PTK2: variants seen among roughly 807,000 people sequenced by gnomAD.
The protein encoded by PTK2 is focal adhesion kinase 1.
Under a neutral mutation model 150.1 loss-of-function variants are expected in PTK2, and 45 were observed. The observed-to-expected ratio is 0.30, with a 90% CI of 0.24 to 0.38. The LOEUF (loss-of-function observed/expected upper bound fraction) is 0.38. PTK2 is among the 10% of genes least tolerant of loss of function. PTK2 has a pLI of 1.00. For synonymous variants in PTK2, 432 were observed against 449.2 expected (o/e 0.96, Z 0.48); for missense variants, 919 against 1,307.3 (o/e 0.70, Z 4.58).
chr8:140,662,790 C>T (rs1224700414), intron 31 of PTK2: 1 of 529,996 alleles, frequency 1.9e-6, no homozygotes, highest in African/African-American at 1.8e-5. Context: ...GTATTCCTGA[C>T]TGGAGATGCA....
At chr8:140,663,877 A>G (rs1332570978) in intron 31 of PTK2, among the ~76,000 whole-genome samples, 1 of 152,122 alleles carries the variant, frequency 6.6e-6, no homozygotes, top group Non-Finnish European at 1.5e-5. Context: ...GGCTGGTCAT[A>G]AACTGGCTTT....
At chr8:140,954,200 G>A (rs895942041) in intron 1 of PTK2, among the ~76,000 whole-genome samples, 2 of 152,008 alleles carry the variant, frequency 1.3e-5, no homozygotes, top group African/African-American at 2.4e-5. Context: ...GGCTGGTCTC[G>A]AACTCCTGAC....
At chr8:140,939,043 T>C (rs1221747188) in intron 1 of PTK2, among the ~76,000 whole-genome samples, 1 of 152,028 alleles carries the variant, frequency 6.6e-6, no homozygotes, top group Admixed American at 6.6e-5. Context: ...TCCTCCCCTC[T>C]TCCATCTTCT....
At chr8:140,934,122 A>G (rs1045729722) in intron 1 of PTK2, among the ~76,000 whole-genome samples, 1 of 152,200 alleles carries the variant, frequency 6.6e-6, no homozygotes, top group South Asian at 2.1e-4. Flanking sequence ...TGAACTATAA[A>G]CATTACAGAA....
At chr8:140,762,737 T>C (rs1446989415) in intron 15 of PTK2, among the ~76,000 whole-genome samples, 1 of 152,128 alleles carries the variant, frequency 6.6e-6, no homozygotes, top group African/African-American at 2.4e-5. Flanking sequence ...CAAGTGTCTA[T>C]ATGGCTAATT....
At chr8:140,944,225 C>T (rs1226417768) in intron 1 of PTK2, among the ~76,000 whole-genome samples, 3 of 152,150 alleles carry the variant, frequency 2.0e-5, no homozygotes, top group Non-Finnish European at 4.4e-5. Context: ...TACACTCTTC[C>T]CTCAGTATAA....
Position 140,846,691 on chromosome 8 carries a change from G to A in PTK2, c.451-13C>T. 1 of 1,589,042 alleles carries A rather than the reference G, an allele frequency of 6.3e-7. No individual in the cohort carries two copies. The highest frequency in any genetic ancestry group is 8.6e-7 in the Non-Finnish European group (1 of 1,165,756). On this transcript the variant is annotated splice_polypyrimidine_tract_variant and intron_variant, in intron 5 of 31. Coordinates refer to ENST00000522684, the Ensembl canonical transcript of PTK2. ...AATCGCTCTTCACCTACAACAAAAG[G>A]AATGGGAAAAACAACACTGTTTTAA...
intron 11 of PTK2, among the ~76,000 whole-genome samples, chr8:140,803,238 TC>T (rs2100096307): frequency 6.6e-6 from 1 of 151,960 alleles, no homozygotes; most frequent in Non-Finnish European, 1.5e-5. Flanking sequence ...CCTCAAGTGA[TC>T]CGCCTGCCTT....
At chr8:140,973,254 C>T (rs1272662203) in intron 1 of PTK2, among the ~76,000 whole-genome samples, 5 of 152,170 alleles carry the variant, frequency 3.3e-5, no homozygotes, top group Non-Finnish European at 2.9e-5. Context: ...CTCTTGGAAG[C>T]TCGTCCGATA....
chr8:140,927,975 A>AAAAAATATATAT, intron 1 of PTK2, among the ~76,000 whole-genome samples: 5 of 48,194 alleles, frequency 1.0e-4, no homozygotes, highest in East Asian at 8.1e-4. Context: ...AAAAAAAAAA[A>AAAAAATATATAT]ATATATATAT....
rs184183491 is a variant in PTK2, at chr8:140,726,768, C to G, written c.2030+8483G>C. ...AAAAATTATTCATCTGATGGGAAAC[C>G]AAATGGAAATAAGCTCTTCAAGAAG... On this transcript the variant is annotated intron_variant, in intron 22 of 31. Coordinates refer to ENST00000522684, the Ensembl canonical transcript of PTK2. Among the ~76,000 whole-genome samples, 342 of 152,172 alleles carry G rather than the reference C, an allele frequency of 2.2e-3. 5 individuals are homozygous for G. Among genetic ancestry groups the G allele is most frequent in the African/African-American group, 7.6e-3 (316 of 41,514 alleles).
At chr8:140,954,552 CAG>C (rs1177773605) in intron 1 of PTK2, among the ~76,000 whole-genome samples, 4 of 151,800 alleles carry the variant, frequency 2.6e-5, no homozygotes, top group Admixed American at 6.5e-5. Context: ...CTACCTGTCT[CAG>C]AAAAAAATAT....
rs538231116 is a variant in PTK2 at position 140,972,235 on chromosome 8, C to T, written c.-122+28890G>A. 3.9e-5 allele frequency among the ~76,000 whole-genome samples: 6 copies of T among 152,074 alleles called. No homozygotes were observed. The South Asian group carries it at 1.0e-3, about 26-fold the overall frequency. On this transcript the variant is annotated intron_variant, in intron 1 of 31. Transcript: ENST00000522684. ...TTAGACCTGTATTTTTTTAATTATG[C>T]TCAATTGTTTTTATTATTTTAATTA... is the stretch of plus-strand genomic sequence containing the variant.
chr8:140,660,326 A>T (rs1409806846), intron 31 of PTK2, among the ~76,000 whole-genome samples: 1 of 152,202 alleles, frequency 6.6e-6, no homozygotes, highest in East Asian at 1.9e-4. Flanking sequence ...ACAGCTCTTT[A>T]GTCTCCAAGC....
chr8:140,683,695 C>T (rs1377623594), intron 27 of PTK2, among the ~76,000 whole-genome samples: 1 of 146,890 alleles, frequency 6.8e-6, no homozygotes, highest in Non-Finnish European at 1.5e-5. Flanking sequence ...AAGGTTGGTT[C>T]AACATATGAA....
intron 29 of PTK2, among the ~76,000 whole-genome samples, chr8:140,671,736 AC>A (rs1170120389): frequency 6.7e-5 from 9 of 133,906 alleles, no homozygotes; most frequent in African/African-American, 2.6e-4. Flanking sequence ...ACACGGTGAA[AC>A]CCCGTCTCTA....
At chr8:140,837,906 A>G (rs1598016760) in intron 7 of PTK2, among the ~76,000 whole-genome samples, 1 of 151,932 alleles carries the variant, frequency 6.6e-6, no homozygotes, top group East Asian at 1.9e-4. Context: ...TAAAAATACA[A>G]AAAAAATTAG....
chr8:140,889,619 T>C (rs1312104638), intron 3 of PTK2, among the ~76,000 whole-genome samples: 1 of 151,004 alleles, frequency 6.6e-6, no homozygotes, highest in Non-Finnish European at 1.5e-5. Context: ...ATTAATTAAT[T>C]TACTTATTGT....
chr8:140,839,368 A>C (rs1163497051), intron 7 of PTK2, among the ~76,000 whole-genome samples: 4 of 152,172 alleles, frequency 2.6e-5, no homozygotes, highest in African/African-American at 9.7e-5. Flanking sequence ...CTCTAATCCA[A>C]GCCACTTTGG....
Sources: gnomAD v4.1 joint callset for allele counts (sites outside exome capture counted in the v4.1 genomes callset) on GRCh38, gnomAD v4.1.1 for gene constraint, MANE v1.5 for transcripts, NCBI Gene and HGNC (gene_info 2026-07-23, HGNC 2026-07-21) for gene names.